CD93: variants seen among roughly 807,000 people sequenced by gnomAD.
CD93 encodes the protein complement component C1q receptor.
Under a neutral mutation model 45.5 loss-of-function variants are expected in CD93, and 44 were observed. That is an observed-to-expected ratio of 0.97 (90% CI 0.76 to 1.24). The LOEUF (loss-of-function observed/expected upper bound fraction) is 1.24, where lower values mean the gene tolerates loss of function less well. Ranked by LOEUF, CD93 falls within the 50% of genes most tolerant of loss-of-function variation. The pLI is 0.00. For synonymous variants in CD93, 431 were observed against 370.8 expected (o/e 1.16, Z -1.87); for missense variants, 918 against 844.5 (o/e 1.09, Z -1.08).
Position 23,085,441 on chromosome 20 carries a change from C to T in CD93, c.752G>A (p.Gly251Asp). ...GCTGACACAGAGGGGGCCCGAGCTG[C>T]CCCAGTCGAACACATCGGGGGCCTT... ...KEKAPDVFDW[G>D]SSGPLCVSPK... Residue 251 changes from glycine (G) to aspartate (D), a missense_variant, in exon 1 of 2, where the codon GGC (glycine) becomes GAC (aspartate). Coordinates refer to ENST00000246006, the MANE Select transcript of CD93 (RefSeq NM_012072.4). 6.2e-7 allele frequency: 1 copy of T among 1,613,818 alleles called. No homozygotes were observed. The highest frequency in any genetic ancestry group is 8.5e-7 in the Non-Finnish European group (1 of 1,180,018).
chr20:23,086,303 A>G lies in CD93; in HGVS notation c.-111T>C. 1.5e-6 allele frequency: 2 copies of G among 1,324,222 alleles called. No individual in the cohort carries two copies. The highest frequency in any genetic ancestry group is 2.5e-5 in the East Asian group (1 of 39,462). The allele number at this position is 1,324,222 out of a possible 1,614,324, so 82.0% of individuals were successfully genotyped here. On this transcript the variant is annotated 5_prime_UTR_variant, in exon 1 of 2. Transcript: ENST00000246006. ...GGGAGCTGAGGGGTGAGCTGCAGCC[A>G]CTCCGGCGCAGAGAAGGACACAAAG...
Position 23,080,953 on chromosome 20 carries a change from GAAGA to G in CD93, c.*2993_*2996del, listed in dbSNP as rs1985307049. ...CCTGCATCCTTTCTCAAATGACAAA[GAAGA>G]AAGAAAGAGCAGTGATGGCACCTGA... On this transcript the variant is annotated 3_prime_UTR_variant, in exon 2 of 2. Coordinates refer to ENST00000246006, the MANE Select transcript of CD93 (RefSeq NM_012072.4). 6.6e-6 allele frequency: 1 copy of G among 152,260 alleles called. No individual in the cohort carries two copies. Among genetic ancestry groups the G allele is most frequent in the Non-Finnish European group, 1.5e-5 (1 of 68,070 alleles). The allele number at this position is 152,260 out of a possible 1,614,324, so 9.4% of individuals were successfully genotyped here. A position where few individuals can be genotyped will look rare whatever the true frequency, so the allele number is the denominator to read the frequency against.
Position 23,084,939 on chromosome 20 carries a change from G to T in CD93, c.1254C>A (p.Ala418=), listed in dbSNP as rs576363930. 4.3e-5 allele frequency: 69 copies of T among 1,613,508 alleles called. No individual in the cohort carries two copies. The African/African-American group carries it at 8.1e-4, about 19-fold the overall frequency. Residue 418 remains alanine (A), a synonymous_variant, in exon 1 of 2, where the codon GCC becomes GCA. Transcript: ENST00000246006. ...HCSCEEGYVL[A]GEDGTQCQDV... ...CCTGGCACTGAGTCCCGTCCTCCCC[G>T]GCCAGGACGTAGCCCTCCTCACAGG...
Position 23,086,025 on chromosome 20 carries a change from G to C in CD93, c.168C>G (p.Asn56Lys). The part of the protein sequence containing the change: ...AAEAQNHCNQ[N>K]GGNLATVKSK... ...TCTTCACAGTGGCCAGGTTGCCCCC[G>C]TTCTGGTTGCAGTGGTTCTGGGCCT... The change falls in exon 1 of 2, where the codon AAC becomes AAG. Residue 56 changes from asparagine (N) to lysine (K), a missense_variant. Transcript: ENST00000246006. 6.2e-7 allele frequency: 1 copy of C among 1,609,910 alleles called. No homozygotes were observed. Among genetic ancestry groups the C allele is most frequent in the Non-Finnish European group, 8.5e-7 (1 of 1,179,448 alleles).
rs1985375199 is a variant in CD93, at chr20:23,083,295, A to G, written c.*655T>C. The G allele has an allele frequency of 6.6e-6, 1 of 152,290 alleles. No individual in the cohort carries two copies. Among genetic ancestry groups the G allele is most frequent in the African/African-American group, 2.4e-5 (1 of 41,450 alleles). The allele number at this position is 152,290 out of a possible 1,614,324, so 9.4% of individuals were successfully genotyped here. A position where few individuals can be genotyped will look rare whatever the true frequency, so the allele number is the denominator to read the frequency against. ...CAAGCTTCCTTTGCAAATAAACCCA[A>G]GGCTATTAGAAATGTAAGAACTAAA... On this transcript the variant is annotated 3_prime_UTR_variant, in exon 2 of 2. Coordinates refer to ENST00000246006, the MANE Select transcript of CD93 (RefSeq NM_012072.4).
chr20:23,084,653 G>A lies in CD93; in HGVS notation c.1540C>T (p.Pro514Ser), dbSNP rs771340823. The change falls in exon 1 of 2, where the codon CCC (proline) becomes TCC (serine). Residue 514 changes from proline (P) to serine (S), a missense_variant. By Grantham distance (74) the Pro-to-Ser change is moderately conservative (BLOSUM62 -1). Transcript: ENST00000246006. Reference protein sequence around the residue: ...RGPEGTPKATPTTSRPSLSSD... With the variant: ...RGPEGTPKATSTTSRPSLSSD... ...GACAGCGAAGGTCTACTTGTGGTGG[G>A]TGTAGCCTTGGGGGTGCCCTCGGGG... 3 of 1,594,914 alleles carry A rather than the reference G, an allele frequency of 1.9e-6. No individual in the cohort carries two copies. Among genetic ancestry groups the A allele is most frequent in the Admixed American group, 1.7e-5 (1 of 57,988 alleles).
In CD93 at chr20:23,085,448, C is replaced by A. The variant is rs1050339456; in HGVS notation, c.745G>T (p.Asp249Tyr). 1 of 1,613,872 alleles carries A rather than the reference C, an allele frequency of 6.2e-7. No individual in the cohort carries two copies. The highest frequency in any genetic ancestry group is 8.5e-7 in the Non-Finnish European group (1 of 1,180,028). ...CAGAGGGGGCCCGAGCTGCCCCAGT[C>A]GAACACATCGGGGGCCTTCTCCTTG... is the stretch of plus-strand genomic sequence containing the variant. ...LCKEKAPDVF[D>Y]WGSSGPLCVS... Residue 249 changes from aspartate to tyrosine, a missense_variant, in exon 1 of 2, where the codon GAC (aspartate) becomes TAC (tyrosine). Physicochemically the swap from Asp to Tyr is radical, Grantham distance 160. Coordinates refer to ENST00000246006, the MANE Select transcript of CD93 (RefSeq NM_012072.4).
chr20:23,084,234 C>G, intron 1 of CD93, 25 bp downstream of exon 1: 1 of 1,608,816 alleles, frequency 6.2e-7, no homozygotes, highest in Non-Finnish European at 8.5e-7. Context: ...CATCCCCTCC[C>G]CCGGTCACTC....
chr20:23,084,544 T>C lies in CD93; in HGVS notation c.1649A>G (p.His550Arg). The change falls in exon 1 of 2, where the codon CAT becomes CGT. Residue 550 changes from histidine to arginine, a missense_variant. Coordinates refer to ENST00000246006, the MANE Select transcript of CD93 (RefSeq NM_012072.4). The part of the protein sequence containing the change: ...SPGVWREPSI[H>R]HATAASGPQE... The stretch of plus-strand genomic sequence containing the variant: ...GGGGCCAGAGGCAGCTGTGGCGTGA[T>C]GGATGCTGGGCTCCCTCCAGACGCC... 14 of 1,612,678 alleles carry C rather than the reference T, an allele frequency of 8.7e-6. No individual in the cohort carries two copies. Among genetic ancestry groups the C allele is most frequent in the African/African-American group, 1.3e-5 (1 of 75,038 alleles).
Position 23,083,778 on chromosome 20 carries a change from C to T in CD93, c.*172G>A. On this transcript the variant is annotated 3_prime_UTR_variant, in exon 2 of 2. Coordinates refer to ENST00000246006, the MANE Select transcript of CD93 (RefSeq NM_012072.4). ...CTTCCACTTCAGGAACATCAAACAC[C>T]CGTAGAAAATACCTGCATGTTCCAA... 7.5e-6 allele frequency: 5 copies of T among 669,328 alleles called. No individual in the cohort carries two copies. The allele number at this position is 669,328 out of a possible 1,614,324, so 41.5% of individuals were successfully genotyped here.
In CD93 at chr20:23,085,831, T is replaced by TGGGCCCCCCCCCCCCCC; in HGVS notation, c.361_362insGGGGGGGGGGGGGGCCC (p.Glu121GlyfsTer85). On this transcript the variant is annotated frameshift_variant, in exon 1 of 2. Coordinates refer to ENST00000246006, the MANE Select transcript of CD93 (RefSeq NM_012072.4). LOFTEE classifies it high-confidence loss of function. ...GTGCCAGTTAGAGTAAGGCGTGTCCTCCCCCCCGCCCACCCAGCTGAAGCC... is the reference window on the plus strand; with the variant it reads ...GTGCCAGTTAGAGTAAGGCGTGTCCTGGGCCCCCCCCCCCCCCCCCCCCCGCCCACCCAGCTGAAGCC... 1 of 1,491,280 alleles carries TGGGCCCCCCCCCCCCCC rather than the reference T, an allele frequency of 6.7e-7. No homozygotes were observed. Among genetic ancestry groups the TGGGCCCCCCCCCCCCCC allele is most frequent in the Non-Finnish European group, 9.1e-7 (1 of 1,097,894 alleles). 92.4% of individuals were successfully genotyped at this position (1,491,280 alleles called of 1,614,324 possible). A position where few individuals can be genotyped will look rare whatever the true frequency, so the allele number is the denominator to read the frequency against.
In CD93 at chr20:23,084,938, C is replaced by G. The variant is rs369045198; in HGVS notation, c.1255G>C (p.Gly419Arg). 2 of 1,613,548 alleles carry G rather than the reference C, an allele frequency of 1.2e-6. No individual in the cohort carries two copies. The highest frequency in any genetic ancestry group is 1.7e-6 in the Non-Finnish European group (2 of 1,179,964). The change falls in exon 1 of 2, where the codon GGG (glycine) becomes CGG (arginine). Residue 419 changes from glycine (G) to arginine (R), a missense_variant. Coordinates refer to ENST00000246006, the MANE Select transcript of CD93 (RefSeq NM_012072.4). ...TCCTGGCACTGAGTCCCGTCCTCCC[C>G]GGCCAGGACGTAGCCCTCCTCACAG... is the stretch of plus-strand genomic sequence containing the variant. ...CSCEEGYVLA[G>R]EDGTQCQDVD...
At position 23,084,781 on chromosome 20, in the gene CD93, G is replaced by A. The variant is rs569143400; in HGVS notation, c.1412C>T (p.Pro471Leu). The change falls in exon 1 of 2, where the codon CCT (proline) becomes CTT (leucine). Residue 471 changes from proline (P) to leucine (L), a missense_variant. By Grantham distance (98) the Pro-to-Leu change is moderately conservative (BLOSUM62 -3). Coordinates refer to ENST00000246006, the MANE Select transcript of CD93 (RefSeq NM_012072.4). Reference protein sequence around the residue: ...APNGVSCTMGPVSLGPPSGPP... With the variant: ...APNGVSCTMGLVSLGPPSGPP... ...CCCAGATGGTGGTCCCAGAGACACA[G>A]GCCCCATGGTGCAAGAGACCCCATT... is the stretch of plus-strand genomic sequence containing the variant. The A allele has an allele frequency of 6.2e-7, 1 of 1,613,014 alleles. No individual in the cohort carries two copies. The highest frequency in any genetic ancestry group is 1.1e-5 in the South Asian group (1 of 91,048).
rs201065286 is a variant in CD93 at position 23,084,621 on chromosome 20, G to A, written c.1572C>T (p.Asp524=). Residue 524 remains aspartate, a synonymous_variant, in exon 1 of 2, where the codon GAC becomes GAT. Coordinates refer to ENST00000246006, the MANE Select transcript of CD93 (RefSeq NM_012072.4). ...TGAGTGGGGCAGATGTGATGGGGGC[G>A]TCAGATGACAGCGAAGGTCTACTTG... The part of the protein sequence containing the change: ...PTTSRPSLSS[D]APITSAPLKM... 1.2e-5 allele frequency: 20 copies of A among 1,607,476 alleles called. No individual in the cohort carries two copies. The Admixed American group carries it at 1.7e-4, about 14-fold the overall frequency.
At position 23,084,987 on chromosome 20, in the gene CD93, GT is replaced by G. The variant is rs1185966592; in HGVS notation, c.1205del (p.Asn402ThrfsTer186). On this transcript the variant is annotated frameshift_variant, in exon 1 of 2. Coordinates refer to ENST00000246006, the MANE Select transcript of CD93 (RefSeq NM_012072.4). LOFTEE classifies it high-confidence loss of function. ...AGGAGCAGTGAAATGAGCCATCTGT[GT>G]TGGTGCAGCCCTGGGCGCAAGGCGA... ...GRSPCAQGCT[N>X]TDGSFHCSCE... is the part of the protein sequence containing the mutation. The G allele has an allele frequency of 6.2e-7, 1 of 1,613,818 alleles. No homozygotes were observed. The highest frequency in any genetic ancestry group is 1.3e-5 in the African/African-American group (1 of 74,934).
rs375571324 is a variant in CD93 at position 23,082,768 on chromosome 20, A to G, written c.*1182T>C. 6.6e-6 allele frequency: 1 copy of G among 152,444 alleles called. No homozygotes were observed. The highest frequency in any genetic ancestry group is 2.4e-5 in the African/African-American group (1 of 41,438). The allele number at this position is 152,444 out of a possible 1,614,324, so 9.4% of individuals were successfully genotyped here. A position where few individuals can be genotyped will look rare whatever the true frequency, so the allele number is the denominator to read the frequency against. On this transcript the variant is annotated 3_prime_UTR_variant, in exon 2 of 2. Coordinates refer to ENST00000246006, the MANE Select transcript of CD93 (RefSeq NM_012072.4). ...CCAATTTTAAGGAAAAGAGACAGAG[A>G]ACAAAAGTTCCTTAAGCAAACTGCC...
Position 23,085,152 on chromosome 20 carries a change from A to G in CD93, c.1041T>C (p.Asp347=), listed in dbSNP as rs1372555222. ...GGGCACAGGGGGAGTCCTGGCATTC[A>G]TCCACGTCCACACAGTCCAGCTGAC... is the stretch of plus-strand genomic sequence containing the variant. ...DSSQLDCVDV[D]ECQDSPCAQE... Residue 347 remains aspartate, a synonymous_variant, in exon 1 of 2, where the codon GAT becomes GAC. Transcript: ENST00000246006. 1 of 1,580,760 alleles carries G rather than the reference A, an allele frequency of 6.3e-7. No homozygotes were observed. Among genetic ancestry groups the G allele is most frequent in the Non-Finnish European group, 8.6e-7 (1 of 1,162,016 alleles).
rs974474116 is a variant in CD93 at position 23,079,470 on chromosome 20, G to T, written c.*4480C>A. 1 of 152,206 alleles carries T rather than the reference G, an allele frequency of 6.6e-6. No individual in the cohort carries two copies. The highest frequency in any genetic ancestry group is 2.4e-5 in the African/African-American group (1 of 41,446). 9.4% of individuals were successfully genotyped at this position (152,206 alleles called of 1,614,324 possible). ...AGCACCATTTTGTTAGAACTCAGAG[G>T]AGAAGCTCGATCTCTGAGCCTTCCC... On this transcript the variant is annotated 3_prime_UTR_variant, in exon 2 of 2. Transcript: ENST00000246006.
rs1262547748 is a variant in CD93, at chr20:23,084,941, C to T, written c.1252G>A (p.Ala418Thr). 1 of 1,613,546 alleles carries T rather than the reference C, an allele frequency of 6.2e-7. No homozygotes were observed. The highest frequency in any genetic ancestry group is 2.2e-5 in the East Asian group (1 of 44,864). ...HCSCEEGYVL[A>T]GEDGTQCQDV... ...TGGCACTGAGTCCCGTCCTCCCCGG[C>T]CAGGACGTAGCCCTCCTCACAGGAG... is the stretch of plus-strand genomic sequence containing the variant. Residue 418 changes from alanine to threonine, a missense_variant, in exon 1 of 2, where the codon GCC becomes ACC. Ala to Thr is a moderately conservative substitution (Grantham distance 58). Transcript: ENST00000246006.
Sources: allele counts gnomAD v4.1 joint callset, GRCh38; gene constraint gnomAD v4.1.1; transcripts MANE v1.5; gene names NCBI Gene and HGNC (gene_info 2026-07-23, HGNC 2026-07-21).